Variants in MALRD1 observed in about 807,000 individuals in gnomAD.
The protein encoded by MALRD1 is MAM and LDL receptor class A domain containing 1.
Under a neutral mutation model 242.1 loss-of-function variants are expected in MALRD1, and 247 were observed. The ratio of observed to expected loss-of-function variants is 1.02; its 90% CI spans 0.92 to 1.13. MALRD1 has a LOEUF of 1.13. Among genes scored for constraint, MALRD1 ranks in the 50% most tolerant of loss-of-function variants. MALRD1 has a pLI of 0.00. For missense variants in MALRD1, 2,989 were observed against 2,533.1 expected (o/e 1.18, Z -3.86); for synonymous variants, 995 against 866.6 (o/e 1.15, Z -2.60).
At chr10:19,387,143 T>C (rs1163564947) in intron 26 of MALRD1, among the ~76,000 whole-genome samples, 1 of 152,152 alleles carries the variant, frequency 6.6e-6, no homozygotes, top group Non-Finnish European at 1.5e-5. Flanking sequence ...ACATAATACA[T>C]GATCTCTTAG....
chr10:19,536,095 G>A (rs1445021593), intron 32 of MALRD1, among the ~76,000 whole-genome samples: 1 of 152,036 alleles, frequency 6.6e-6, no homozygotes. Context: ...TGCCCTTCCA[G>A]GATCTGCTCT....
chr10:19,734,212 A>G lies in MALRD1; in HGVS notation c.6446A>G (p.Glu2149Gly). 9.1e-6 allele frequency: 14 copies of G among 1,536,056 alleles called. No homozygotes were observed. The highest frequency in any genetic ancestry group is 1.2e-5 in the Non-Finnish European group (14 of 1,146,772). Residue 2149 changes from glutamate (E) to glycine (G), a missense_variant, in exon 40 of 40, where the codon GAG (glutamate) becomes GGG (glycine). By Grantham distance (98) the Glu-to-Gly change is moderately conservative. Coordinates refer to ENST00000454679, the MANE Select transcript of MALRD1 (RefSeq NM_001142308.3). The stretch of plus-strand genomic sequence containing the variant: ...TATGGCACAACATCAGGAAGCCTGG[A>G]GACCCTGTCACATCATCTCAAATAG... ...PLYGTTSGSL[E>G]TLSHHLK
At chr10:19,184,839 T>A (rs977679815) in intron 14 of MALRD1, among the ~76,000 whole-genome samples, 4 of 152,196 alleles carry the variant, frequency 2.6e-5, no homozygotes, top group African/African-American at 9.7e-5. Context: ...TGAGCTGCCA[T>A]GCCTGGCCTA....
At chr10:19,516,938 A>G (rs1833661580) in intron 31 of MALRD1, among the ~76,000 whole-genome samples, 1 of 152,196 alleles carries the variant, frequency 6.6e-6, no homozygotes, top group African/African-American at 2.4e-5. Flanking sequence ...CTAAACCAAG[A>G]AAGAACGGCA....
chr10:19,695,254 T>C (rs966701347), intron 38 of MALRD1, among the ~76,000 whole-genome samples: 3 of 152,096 alleles, frequency 2.0e-5, no homozygotes, highest in Non-Finnish European at 4.4e-5. Flanking sequence ...AATATTTATA[T>C]ATGACATTAT....
chr10:19,341,325 G>A (rs186047080), intron 24 of MALRD1, among the ~76,000 whole-genome samples: 1 of 151,388 alleles, frequency 6.6e-6, no homozygotes, highest in African/African-American at 2.4e-5. Flanking sequence ...CTAGTTTCTT[G>A]GGATAATGAA....
chr10:19,604,684 A>G (rs780457814), intron 34 of MALRD1, among the ~76,000 whole-genome samples: 86 of 152,156 alleles, frequency 5.7e-4, no homozygotes, highest in Non-Finnish European at 8.5e-4. Context: ...AGAAGATGCC[A>G]CATAGGACTT....
At chr10:19,285,103 G>GT (rs1434598821) in intron 21 of MALRD1, among the ~76,000 whole-genome samples, 1 of 136,122 alleles carries the variant, frequency 7.3e-6, no homozygotes, top group Non-Finnish European at 1.5e-5. Flanking sequence ...GGGGTTGTTT[G>GT]TTTTTTTCTT....
intron 5 of MALRD1, among the ~76,000 whole-genome samples, chr10:19,115,262 G>A (rs185623837): frequency 1.4e-4 from 22 of 152,152 alleles, no homozygotes; most frequent in Admixed American, 1.3e-3. Context: ...CCTGACTGAC[G>A]CTGGGACTTT....
chr10:19,070,338 G>A (rs1835105284), intron 2 of MALRD1, among the ~76,000 whole-genome samples: 1 of 152,044 alleles, frequency 6.6e-6, no homozygotes, highest in South Asian at 2.1e-4. Flanking sequence ...CTAACACAAA[G>A]CCTATTTCAT....
chr10:19,433,690 T>G (rs1834237049), intron 28 of MALRD1, among the ~76,000 whole-genome samples: 1 of 152,042 alleles, frequency 6.6e-6, no homozygotes, highest in South Asian at 2.1e-4. Flanking sequence ...AAATGATCAT[T>G]TGAACATGGA....
chr10:19,731,965 A>C (rs1438098168), intron 39 of MALRD1, among the ~76,000 whole-genome samples: 2 of 152,202 alleles, frequency 1.3e-5, no homozygotes, highest in East Asian at 3.9e-4. Flanking sequence ...GCCGAAGCCT[A>C]ACAAAGCACT....
At position 19,357,845 on chromosome 10, in the gene MALRD1, TAGAAA is replaced by T. The variant is rs1214026782; in HGVS notation, c.4441+5552_4441+5556del. Among the ~76,000 whole-genome samples, 10 of 152,150 alleles carry T rather than the reference TAGAAA, an allele frequency of 6.6e-5. No individual in the cohort carries two copies. In the South Asian group the frequency reaches 1.0e-3, roughly 16 times the overall value. ...CAATTCCATCAAGGATAGCTTAAAA[TAGAAA>T]AGACAAGAGGGGAAAAATGTATATA... On this transcript the variant is annotated intron_variant, in intron 26 of 39. Transcript: ENST00000454679.
chr10:19,132,613 T>C (rs1039894150), intron 8 of MALRD1, among the ~76,000 whole-genome samples: 10 of 152,108 alleles, frequency 6.6e-5, no homozygotes, highest in Non-Finnish European at 1.3e-4. Context: ...CAAGTATCAT[T>C]TGGATTAAAA....
chr10:19,390,564 G>T, intron 28 of MALRD1, among the ~76,000 whole-genome samples: 1 of 152,238 alleles, frequency 6.6e-6, no homozygotes, highest in South Asian at 2.1e-4. Flanking sequence ...AACAGTAGCC[G>T]AAAGGAGATG....
Position 19,155,506 on chromosome 10 carries a change from G to A in MALRD1, c.1656+334G>A, listed in dbSNP as rs144139656. On this transcript the variant is annotated intron_variant, in intron 12 of 39. Coordinates refer to ENST00000454679, the MANE Select transcript of MALRD1 (RefSeq NM_001142308.3). ...GAAAAATAAAGTCAGTTAAATAAGT[G>A]TTTGTTGAAAGAAAGACAAATGGAA... Among the ~76,000 whole-genome samples, 526 of 152,256 alleles carry A rather than the reference G, an allele frequency of 3.5e-3. 1 individual carries two copies. Among genetic ancestry groups the A allele is most frequent in the African/African-American group, 0.012 (493 of 41,544 alleles).
At chr10:19,063,981 T>C (rs905972899) in intron 1 of MALRD1, among the ~76,000 whole-genome samples, 1 of 151,806 alleles carries the variant, frequency 6.6e-6, no homozygotes, top group Non-Finnish European at 1.5e-5. Context: ...ATTAAAAATA[T>C]TTTTCTTTCC....
At position 19,620,800 on chromosome 10, in the gene MALRD1, G is replaced by A. The variant is rs531639754; in HGVS notation, c.6137+4877G>A. Among the ~76,000 whole-genome samples, 320 of 151,938 alleles carry A rather than the reference G, an allele frequency of 2.1e-3. 3 individuals carry two copies. The highest frequency in any genetic ancestry group is 7.4e-3 in the African/African-American group (306 of 41,482). ...TAAAGTCCTGAAATTTCAAAGAAAA[G>A]CATCAATACATTGAAATATATTCTT... is the stretch of plus-strand genomic sequence containing the variant. On this transcript the variant is annotated intron_variant, in intron 36 of 39. Transcript: ENST00000454679.
chr10:19,173,495 C>A (rs1835096554), intron 13 of MALRD1, among the ~76,000 whole-genome samples: 1 of 152,068 alleles, frequency 6.6e-6, no homozygotes, highest in African/African-American at 2.4e-5. Context: ...ATAGTCTATG[C>A]AATTTTTCTT....
Sources: allele counts gnomAD v4.1 joint callset (sites outside exome capture counted in the v4.1 genomes callset), GRCh38; gene constraint gnomAD v4.1.1; transcripts MANE v1.5; gene names NCBI Gene and HGNC (gene_info 2026-07-23, HGNC 2026-07-21).